The following EDEM2 variants were observed in gnomAD, a reference collection of about 807,000 sequenced individuals.
EDEM2 encodes the protein ER degradation-enhancing alpha-mannosidase-like protein 2.
EDEM2 carries 39 observed loss-of-function variants against 64.8 expected under a neutral mutation model. The observed-to-expected ratio is 0.60, with a 90% CI of 0.47 to 0.79. EDEM2 has a LOEUF of 0.79. Among genes scored for constraint, EDEM2 ranks in the 30% least tolerant of loss-of-function variants. The pLI is 0.00. For missense variants in EDEM2, 609 were observed against 731.3 expected, an observed-to-expected ratio of 0.83 and a Z score of 1.93; for synonymous variants, 296 against 291.5, an observed-to-expected ratio of 1.02 and a Z score of -0.16.
intron 3 of EDEM2, among the ~76,000 whole-genome samples, chr20:35,144,632 C>G (rs1332906767): frequency 6.6e-6 from 1 of 152,180 alleles, no homozygotes; most frequent in Non-Finnish European, 1.5e-5. Flanking sequence ...CCATGCTCAG[C>G]CTGATACCCT....
intron 9 of EDEM2, among the ~76,000 whole-genome samples, chr20:35,119,087 T>C (rs200200379): frequency 7.5e-6 from 1 of 132,548 alleles, no homozygotes; most frequent in African/African-American, 2.8e-5. Context: ...CAACACTAAC[T>C]ATTCTAACAG....
At chr20:35,137,264 C>G (rs528675856) in intron 5 of EDEM2, among the ~76,000 whole-genome samples, 1 of 152,100 alleles carries the variant, frequency 6.6e-6, no homozygotes, top group South Asian at 2.1e-4. Flanking sequence ...CTAAAAAATA[C>G]AAAAATTAGC....
intron 7 of EDEM2, among the ~76,000 whole-genome samples, chr20:35,129,095 C>T (rs1330298956): frequency 6.6e-6 from 1 of 150,654 alleles, no homozygotes; most frequent in Non-Finnish European, 1.5e-5. Context: ...GGTGAAAACC[C>T]ATCCATCTCT....
chr20:35,118,809 A>G (rs905497664), intron 9 of EDEM2, 90 bp from the exon 10 acceptor site: 3 of 1,550,798 alleles, frequency 1.9e-6, no homozygotes, highest in Non-Finnish European at 2.6e-6. Flanking sequence ...ACTCCCCTCC[A>G]TATCTTGTCC....
At chr20:35,140,849 T>C (rs2085643593) in intron 4 of EDEM2, among the ~76,000 whole-genome samples, 1 of 152,126 alleles carries the variant, frequency 6.6e-6, no homozygotes, top group African/African-American at 2.4e-5. Context: ...CCAGGTGCAG[T>C]GGCTCACACC....
intron 2 of EDEM2, among the ~76,000 whole-genome samples, chr20:35,146,225 T>C (rs1184861975): frequency 1.3e-5 from 2 of 152,162 alleles, no homozygotes; most frequent in Non-Finnish European, 2.9e-5. Flanking sequence ...CATTTGTATT[T>C]ACTTTGTTTC....
chr20:35,144,967 C>A lies in EDEM2; in HGVS notation c.258+12G>T. The A allele has an allele frequency of 6.2e-7, 1 of 1,613,698 alleles. No homozygotes were observed. Among genetic ancestry groups the A allele is most frequent in the Non-Finnish European group, 8.5e-7 (1 of 1,179,742 alleles). ...AACAGTGGAAAGGAAAAGAAACAGA[C>A]GAGATACTTACCAGCAAGGTGTCCA... On this transcript the variant is annotated intron_variant, in intron 3 of 10. Coordinates refer to ENST00000374492, the MANE Select transcript of EDEM2 (RefSeq NM_018217.3).
chr20:35,131,063 CAT>C (rs1190045675), intron 7 of EDEM2, among the ~76,000 whole-genome samples: 1 of 152,110 alleles, frequency 6.6e-6, no homozygotes, highest in Non-Finnish European at 1.5e-5. Context: ...AGAATTTGGA[CAT>C]AGGAAGACAG....
At chr20:35,141,789 C>T (rs2085657704) in intron 4 of EDEM2, among the ~76,000 whole-genome samples, 1 of 114,036 alleles carries the variant, frequency 8.8e-6, no homozygotes, top group Non-Finnish European at 1.8e-5. Context: ...TTTTTAACCA[C>T]TTGGGAGTGG....
chr20:35,141,596 T>C (rs1313492515), intron 4 of EDEM2, among the ~76,000 whole-genome samples: 1 of 152,190 alleles, frequency 6.6e-6, no homozygotes, highest in Non-Finnish European at 1.5e-5. Context: ...TACAAAATAA[T>C]GGGGAAAAAT....
At chr20:35,142,351 G>T in intron 4 of EDEM2, 22 bp downstream of exon 4, 1 of 1,571,938 alleles carries the variant, frequency 6.4e-7, no homozygotes, top group African/African-American at 1.4e-5. Flanking sequence ...TTCTTTTAAA[G>T]GTCCTAGAGA....
At chr20:35,121,462 G>A (rs1363485921) in intron 9 of EDEM2, among the ~76,000 whole-genome samples, 5 of 152,180 alleles carry the variant, frequency 3.3e-5, no homozygotes, top group African/African-American at 1.2e-4. Flanking sequence ...ATGAAGCTTT[G>A]CTTGCTCACA....
chr20:35,135,172 T>C (rs1470054368), intron 5 of EDEM2, among the ~76,000 whole-genome samples: 2 of 152,160 alleles, frequency 1.3e-5, no homozygotes, highest in Non-Finnish European at 2.9e-5. Context: ...GGGTTCCTGC[T>C]CATCATGAGG....
At chr20:35,143,901 CTTTTA>C (rs771073708) in intron 3 of EDEM2, among the ~76,000 whole-genome samples, 2 of 151,144 alleles carry the variant, frequency 1.3e-5, no homozygotes, top group Non-Finnish European at 1.5e-5. Flanking sequence ...CATCAGGTTT[CTTTTA>C]TATCTTTTTT....
intron 8 of EDEM2, among the ~76,000 whole-genome samples, chr20:35,124,705 G>C (rs2085410050): frequency 6.6e-6 from 1 of 152,036 alleles, no homozygotes; most frequent in Admixed American, 6.6e-5. Flanking sequence ...TAACCTTTCA[G>C]AGTTTCTTTA....
At position 35,134,624 on chromosome 20, in the gene EDEM2, C is replaced by T. The variant is rs181581674; in HGVS notation, c.702+114G>A. ...ATTTTTGGTGTCCTGAGCCCAAATC[C>T]TGGACCACTCCCAAGGTCACCCTAA... On this transcript the variant is annotated intron_variant, in intron 6 of 10. Transcript: ENST00000374492. The T allele has an allele frequency of 1.1e-4, 138 of 1,235,512 alleles. 1 individual carries two copies. The highest frequency in any genetic ancestry group is 1.0e-3 in the Admixed American group (48 of 46,138). 76.5% of individuals were successfully genotyped at this position (1,235,512 alleles called of 1,614,324 possible).
chr20:35,130,746 G>A (rs2085496033), intron 7 of EDEM2, among the ~76,000 whole-genome samples: 1 of 152,246 alleles, frequency 6.6e-6, no homozygotes, highest in South Asian at 2.1e-4. Flanking sequence ...TGTGGATAAC[G>A]GGGGACTACT....
At chr20:35,120,542 G>C (rs1437190940) in intron 9 of EDEM2, among the ~76,000 whole-genome samples, 1 of 150,936 alleles carries the variant, frequency 6.6e-6, no homozygotes, top group Non-Finnish European at 1.5e-5. Flanking sequence ...AGGCAGAAAA[G>C]ACAGTGCCCT....
rs1301475048 is a variant in EDEM2 at position 35,146,937 on chromosome 20, TG to T, written c.108-3del. The T allele has an allele frequency of 1.2e-6, 2 of 1,612,582 alleles. No individual in the cohort carries two copies. Among genetic ancestry groups the T allele is most frequent in the Non-Finnish European group, 1.7e-6 (2 of 1,179,350 alleles). ...TAGAACATGGCCTTGACTCGCTCCC[TG>T]GGTGGGGGACGAGAAATCAGGCATG... On this transcript the variant is annotated splice_polypyrimidine_tract_variant and splice_region_variant and intron_variant, in intron 1 of 10. Coordinates refer to ENST00000374492, the MANE Select transcript of EDEM2 (RefSeq NM_018217.3).
Sources: gnomAD v4.1 joint callset for allele counts (sites outside exome capture counted in the v4.1 genomes callset) on GRCh38, gnomAD v4.1.1 for gene constraint, MANE v1.5 for transcripts, NCBI Gene and HGNC (gene_info 2026-07-23, HGNC 2026-07-21) for gene names.